The following AP1B1 variants were observed in gnomAD, a reference collection of about 807,000 sequenced individuals.
AP1B1 encodes adaptor related protein complex 1 subunit beta 1, also known as AP-1 complex subunit beta-1.
AP1B1 carries 36 observed loss-of-function variants against 104.3 expected under a neutral mutation model. The ratio of observed to expected loss-of-function variants is 0.35; its 90% CI spans 0.26 to 0.46. The LOEUF (loss-of-function observed/expected upper bound fraction) is 0.46, where lower values mean the gene tolerates loss of function less well. Ranked by LOEUF, AP1B1 falls within the 20% of genes least tolerant of loss-of-function variation. The pLI, the probability that AP1B1 is intolerant of heterozygous loss-of-function variation, is 1.00. For missense variants in AP1B1, 901 were observed against 1,247.9 expected, an observed-to-expected ratio of 0.72 and a Z score of 4.19; for synonymous variants, 504 against 517.5, an observed-to-expected ratio of 0.97 and a Z score of 0.35.
intron 7 of AP1B1, among the ~76,000 whole-genome samples, chr22:29,354,053 C>G (rs2061917161): frequency 6.6e-6 from 1 of 152,220 alleles, no homozygotes; most frequent in East Asian, 1.9e-4. Flanking sequence ...CTGGGAGCAG[C>G]AGCTCACTGC....
intron 1 of AP1B1, among the ~76,000 whole-genome samples, chr22:29,388,111 G>C (rs1305089815): frequency 6.6e-6 from 1 of 152,252 alleles, no homozygotes; most frequent in Non-Finnish European, 1.5e-5. Flanking sequence ...GTCCGAAAGA[G>C]GAAATCAGAG....
At position 29,342,316 on chromosome 22, in the gene AP1B1, A is replaced by G; in HGVS notation, c.1505T>C (p.Leu502Pro). The part of the protein sequence containing the change: ...FLKKPTETQE[L>P]VQQVLSLATQ... ...GGCCAAACTGAGGACCTGCTGCACC[A>G]GCTCCTGGGTCTCTGTTGGCTTCTT... The change falls in exon 12 of 23, where the codon CTG (leucine) becomes CCG (proline). Residue 502 changes from leucine to proline, a missense_variant. Around this residue, in one of 3 missense-constraint regions of AP1B1, gnomAD observed 471 missense variants for 696.7 expected, o/e 0.68. Coordinates refer to ENST00000357586, the MANE Select transcript of AP1B1 (RefSeq NM_001127.4). 6.2e-7 allele frequency: 1 copy of G among 1,614,132 alleles called. No individual in the cohort carries two copies. The highest frequency in any genetic ancestry group is 8.5e-7 in the Non-Finnish European group (1 of 1,180,006).
chr22:29,388,131 T>A (rs1345307085), intron 1 of AP1B1, among the ~76,000 whole-genome samples: 2 of 151,210 alleles, frequency 1.3e-5, no homozygotes, highest in Non-Finnish European at 2.9e-5. Flanking sequence ...GCCCGAAGAG[T>A]TTTCCCTCAG....
chr22:29,359,588 G>T, intron 4 of AP1B1: 1 of 457,312 alleles, frequency 2.2e-6, no homozygotes, highest in Non-Finnish European at 3.8e-6. Context: ...GGGCAGTGAG[G>T]GGATCAACAG....
intron 9 of AP1B1, among the ~76,000 whole-genome samples, chr22:29,350,818 G>C (rs2061862697): frequency 6.6e-6 from 1 of 152,212 alleles, no homozygotes; most frequent in Non-Finnish European, 1.5e-5. Flanking sequence ...GCTGAATGAT[G>C]ACAATATTTG....
At chr22:29,364,449 T>C (rs997493642) in intron 2 of AP1B1, among the ~76,000 whole-genome samples, 8 of 152,212 alleles carry the variant, frequency 5.3e-5, no homozygotes, top group African/African-American at 1.9e-4. Context: ...GACAGAGTCT[T>C]GCTCTGTCAC....
intron 1 of AP1B1, among the ~76,000 whole-genome samples, chr22:29,370,225 G>A (rs1037702975): frequency 1.3e-5 from 2 of 151,848 alleles, no homozygotes; most frequent in African/African-American, 2.4e-5. Flanking sequence ...GGCTGAGGTG[G>A]GCAGATTGCC....
intron 3 of AP1B1, among the ~76,000 whole-genome samples, chr22:29,360,204 A>C (rs1258681173): frequency 6.6e-6 from 1 of 152,166 alleles, no homozygotes; most frequent in Non-Finnish European, 1.5e-5. Flanking sequence ...TAGTTCAAAC[A>C]TGAGTTCTGG....
In AP1B1 at chr22:29,327,854, G is replaced by T. The variant is rs2061502282; in HGVS notation, c.*967C>A. The T allele has an allele frequency of 6.6e-6, 1 of 152,236 alleles. No individual in the cohort carries two copies. The highest frequency in any genetic ancestry group is 2.4e-5 in the African/African-American group (1 of 41,430). The allele number at this position is 152,236 out of a possible 1,614,324, so 9.4% of individuals were successfully genotyped here. Reference sequence around the variant, plus strand: ...CGGTGGAGGGGAAAAAAGTGTCCGTGATTGCCAAAAGCCGAATCTTTCTTT... The same window carrying T: ...CGGTGGAGGGGAAAAAAGTGTCCGTTATTGCCAAAAGCCGAATCTTTCTTT... On this transcript the variant is annotated 3_prime_UTR_variant, in exon 23 of 23. Coordinates refer to ENST00000357586, the MANE Select transcript of AP1B1 (RefSeq NM_001127.4).
Position 29,328,859 on chromosome 22 carries a change from G to A in AP1B1, c.2812C>T (p.His938Tyr), listed in dbSNP as rs1253952718. ...LKCRAPEVSQ[H>Y]VYQAYETILK... Reference sequence around the variant, plus strand: ...ATGGTCTCGTAGGCCTGGTACACGTGCTGGGACACCTCTGGTGCTCGACAC... The same window carrying A: ...ATGGTCTCGTAGGCCTGGTACACGTACTGGGACACCTCTGGTGCTCGACAC... Residue 938 changes from histidine (H) to tyrosine (Y), a missense_variant, in exon 23 of 23, where the codon CAC becomes TAC. Transcript: ENST00000357586. This position sits in a 1 kb window ranked among gnomAD's most constrained non-coding sequence, Gnocchi z 4.1. 1 of 1,609,658 alleles carries A rather than the reference G, an allele frequency of 6.2e-7. No homozygotes were observed. The highest frequency in any genetic ancestry group is 8.5e-7 in the Non-Finnish European group (1 of 1,179,210).
chr22:29,330,959 G>A (rs2061548906), intron 19 of AP1B1, among the ~76,000 whole-genome samples: 1 of 152,134 alleles, frequency 6.6e-6, no homozygotes, highest in East Asian at 1.9e-4. Flanking sequence ...ACCCCCACAC[G>A]CCTTCCTCCT....
At chr22:29,352,843 G>A (rs2061897931) in intron 7 of AP1B1, among the ~76,000 whole-genome samples, 1 of 152,140 alleles carries the variant, frequency 6.6e-6, no homozygotes, top group Admixed American at 6.5e-5. Flanking sequence ...GTGGTCTTGG[G>A]ACCCCAACAT....
rs1413127336 is a variant in AP1B1 at position 29,330,605 on chromosome 22, G to A, written c.2611+18C>T. 6 of 1,613,746 alleles carry A rather than the reference G, an allele frequency of 3.7e-6. No homozygotes were observed. In the African/African-American group the frequency reaches 8.0e-5, roughly 22 times the overall value. On this transcript the variant is annotated intron_variant, in intron 20 of 22. Transcript: ENST00000357586. ...GGGTACAGGCGAGGGGCTGGGGTCG[G>A]GGGCTCGGAGTCCTCACCTGCATTG...
intron 11 of AP1B1, among the ~76,000 whole-genome samples, chr22:29,346,795 G>A (rs558341728): frequency 8.0e-6 from 1 of 125,382 alleles, no homozygotes; most frequent in Non-Finnish European, 1.7e-5. Flanking sequence ...AGGTGGCAGT[G>A]GGGGGGGGTG....
chr22:29,330,110 C>A lies in AP1B1; in HGVS notation c.2766+268G>T, dbSNP rs1023709783. Reference sequence around the variant, plus strand: ...AATGTCACTTCCCAGTCAGGGGTGCCAAACCAACTGCACCACCTTACAGGG... The same window carrying A: ...AATGTCACTTCCCAGTCAGGGGTGCAAAACCAACTGCACCACCTTACAGGG... On this transcript the variant is annotated intron_variant, in intron 21 of 22. Transcript: ENST00000357586. 2.8e-6 allele frequency: 4 copies of A among 1,418,066 alleles called. No homozygotes were observed. In the African/African-American group the frequency reaches 5.8e-5, roughly 20 times the overall value. The allele number at this position is 1,418,066 out of a possible 1,614,324, so 87.8% of individuals were successfully genotyped here. A position where few individuals can be genotyped will look rare whatever the true frequency, so the allele number is the denominator to read the frequency against.
chr22:29,378,134 T>C (rs1467248891), intron 1 of AP1B1, among the ~76,000 whole-genome samples: 1 of 150,798 alleles, frequency 6.6e-6, no homozygotes, highest in Non-Finnish European at 1.5e-5. Context: ...ACAGGTTATT[T>C]TAGGGCCAGC....
intron 3 of AP1B1, among the ~76,000 whole-genome samples, chr22:29,362,407 C>T (rs2062064108): frequency 6.6e-6 from 1 of 151,546 alleles, no homozygotes; most frequent in African/African-American, 2.4e-5. Flanking sequence ...ACTGCAGTGG[C>T]ACAATCTCAG....
At chr22:29,329,846 G>C in intron 21 of AP1B1, 126 bp from the exon 22 acceptor site, 1 of 1,526,400 alleles carries the variant, frequency 6.6e-7, no homozygotes. Flanking sequence ...ACCCAGGAGG[G>C]GCAGTGTCTG....
intron 7 of AP1B1, among the ~76,000 whole-genome samples, chr22:29,352,732 G>A (rs1209662893): frequency 5.3e-5 from 8 of 152,114 alleles, no homozygotes; most frequent in Non-Finnish European, 1.0e-4. Context: ...AGTTCAAGAC[G>A]AGCCTCGGCA....
Sources: gnomAD v4.1 joint callset for allele counts (sites outside exome capture counted in the v4.1 genomes callset) on GRCh38, gnomAD v4.1.1 for gene constraint, gnomAD v4.1.1 regional missense constraint, Gnocchi (gnomAD v3.1) non-coding constraint, MANE v1.5 for transcripts, NCBI Gene and HGNC (gene_info 2026-07-23, HGNC 2026-07-21) for gene names.